The following TULP4 variants were observed in gnomAD, a reference collection of about 807,000 sequenced individuals.
TULP4 encodes TUB like protein 4.
In TULP4, 16 loss-of-function variants were observed where a neutral mutation model predicts 129.0. The ratio of observed to expected loss-of-function variants is 0.12; its 90% CI spans 0.08 to 0.19. TULP4 has a LOEUF of 0.19. Among genes scored for constraint, TULP4 ranks in the 10% least tolerant of loss-of-function variants. The probability of loss-of-function intolerance (pLI) is 1.00; values close to 1 mark genes in which losing one functional copy is unlikely to be tolerated. For missense variants in TULP4, 1,842 were observed against 2,059.1 expected (o/e 0.89, Z 2.04); for synonymous variants, 998 against 854.0 (o/e 1.17, Z -2.94).
intron 1 of TULP4, among the ~76,000 whole-genome samples, chr6:158,301,949 C>G (rs570072155): frequency 2.3e-4 from 35 of 152,176 alleles, no homozygotes; most frequent in Non-Finnish European, 4.3e-4. Flanking sequence ...CTAATCTGAA[C>G]CTTTTGAGGT....
chr6:158,327,915 T>C (rs1779781623), intron 1 of TULP4, among the ~76,000 whole-genome samples: 1 of 152,134 alleles, frequency 6.6e-6, no homozygotes, highest in South Asian at 2.1e-4. Flanking sequence ...GCTGGTGAGC[T>C]TTATTGTATT....
At chr6:158,300,699 A>C (rs112330747) in intron 1 of TULP4, among the ~76,000 whole-genome samples, 2,364 of 152,314 alleles carry the variant, frequency 0.016, 67 homozygotes, top group African/African-American at 0.055. Flanking sequence ...TAAAACCTGA[A>C]AAGGTGTCTA....
At chr6:158,289,497 A>G (rs971627232) in intron 1 of TULP4, among the ~76,000 whole-genome samples, 1 of 152,054 alleles carries the variant, frequency 6.6e-6, no homozygotes, top group African/African-American at 2.4e-5. Context: ...CCCTTAATTT[A>G]TAACATGTTT....
intron 1 of TULP4, among the ~76,000 whole-genome samples, chr6:158,404,928 A>G (rs535567284): frequency 4.6e-5 from 7 of 152,268 alleles, no homozygotes; most frequent in Admixed American, 3.9e-4. Flanking sequence ...AGAACATTTC[A>G]TAGTAAATTT....
chr6:158,471,320 G>A (rs1014257699), intron 6 of TULP4, among the ~76,000 whole-genome samples: 1 of 152,224 alleles, frequency 6.6e-6, no homozygotes, highest in Non-Finnish European at 1.5e-5. Flanking sequence ...TGATGTCCAT[G>A]CCTTCACTGT....
chr6:158,372,164 C>CT (rs67123255), intron 1 of TULP4, among the ~76,000 whole-genome samples: 4,700 of 83,284 alleles, frequency 0.056, 315 homozygotes, highest in African/African-American at 0.12. Context: ...ATTCTATCTG[C>CT]TTTTTTTTTT....
intron 13 of TULP4, among the ~76,000 whole-genome samples, chr6:158,505,567 G>T (rs1274085953): frequency 1.3e-5 from 2 of 152,238 alleles, no homozygotes; most frequent in Non-Finnish European, 2.9e-5. Flanking sequence ...TAGGATCAGG[G>T]CAGTGAGGAA....
chr6:158,382,196 T>C (rs946059000), intron 1 of TULP4, among the ~76,000 whole-genome samples: 5 of 152,196 alleles, frequency 3.3e-5, no homozygotes, highest in Non-Finnish European at 7.3e-5. Context: ...TTTCTGGGAC[T>C]GCATCTGACT....
intron 6 of TULP4, among the ~76,000 whole-genome samples, chr6:158,470,000 T>C (rs183821280): frequency 6.6e-6 from 1 of 152,074 alleles, no homozygotes; most frequent in African/African-American, 2.4e-5. Flanking sequence ...TTCCAAGGAA[T>C]GGAATCTTGG....
intron 1 of TULP4, among the ~76,000 whole-genome samples, chr6:158,403,738 G>A (rs1284962979): frequency 6.6e-6 from 1 of 152,184 alleles, no homozygotes; most frequent in Non-Finnish European, 1.5e-5. Context: ...TAATTTGGGC[G>A]TCTCATTGCT....
chr6:158,331,299 A>G (rs1386649895), intron 1 of TULP4, among the ~76,000 whole-genome samples: 1 of 152,160 alleles, frequency 6.6e-6, no homozygotes, highest in Non-Finnish European at 1.5e-5. Context: ...GATGTAATCA[A>G]GAGCCTCCTG....
intron 1 of TULP4, among the ~76,000 whole-genome samples, chr6:158,375,834 G>A (rs1777173881): frequency 6.6e-6 from 1 of 152,222 alleles, no homozygotes; most frequent in Admixed American, 6.5e-5. Context: ...GATTTAAGAA[G>A]CCAGAGTAGT....
intron 2 of TULP4, among the ~76,000 whole-genome samples, chr6:158,424,288 G>T (rs947019378): frequency 6.6e-6 from 1 of 151,922 alleles, no homozygotes; most frequent in Admixed American, 6.6e-5. Flanking sequence ...ATGGAGTCTC[G>T]CTCTGTGCTG....
chr6:158,347,947 A>G (rs933344335), intron 1 of TULP4, among the ~76,000 whole-genome samples: 2 of 151,262 alleles, frequency 1.3e-5, no homozygotes, highest in South Asian at 2.1e-4. Flanking sequence ...TAAATTGCAT[A>G]TTTCATCAAA....
chr6:158,452,950 G>T (rs1310424812), intron 5 of TULP4, among the ~76,000 whole-genome samples: 1 of 152,196 alleles, frequency 6.6e-6, no homozygotes, highest in Non-Finnish European at 1.5e-5. Context: ...TCTCTTCAGG[G>T]TTGAATGGTA....
intron 1 of TULP4, among the ~76,000 whole-genome samples, chr6:158,391,164 G>C (rs1306753995): frequency 6.6e-6 from 1 of 152,118 alleles, no homozygotes; most frequent in African/African-American, 2.4e-5. Context: ...ATGTCATAAG[G>C]ATTTCTTTCT....
chr6:158,380,879 G>C (rs1777305386), intron 1 of TULP4, among the ~76,000 whole-genome samples: 1 of 114,142 alleles, frequency 8.8e-6, no homozygotes, highest in Non-Finnish European at 1.7e-5. Flanking sequence ...GGGCGACAGA[G>C]CAAGACTCTG....
At chr6:158,273,888 G>C (rs1778593325) in intron 1 of TULP4, among the ~76,000 whole-genome samples, 1 of 152,184 alleles carries the variant, frequency 6.6e-6, no homozygotes, top group Admixed American at 6.5e-5. Context: ...GGTAGATACT[G>C]TTATTATCTC....
chr6:158,262,245 C>T (rs570841215), intron 1 of TULP4, among the ~76,000 whole-genome samples: 22 of 152,296 alleles, frequency 1.4e-4, no homozygotes, highest in Admixed American at 3.9e-4. Context: ...ACTCAGCCTC[C>T]GCAGGTTTCT....
Sources: gnomAD v4.1 joint callset for allele counts (sites outside exome capture counted in the v4.1 genomes callset) on GRCh38, gnomAD v4.1.1 for gene constraint, MANE v1.5 for transcripts, NCBI Gene and HGNC (gene_info 2026-07-23, HGNC 2026-07-21) for gene names.